RBFOX1: variants seen among roughly 807,000 people sequenced by gnomAD.
RBFOX1 encodes the protein RNA binding protein fox-1 homolog 1.
Under a neutral mutation model 57.7 loss-of-function variants are expected in RBFOX1, and 8 were observed. That is an observed-to-expected ratio of 0.14 (90% CI 0.08 to 0.25). RBFOX1 has a LOEUF of 0.25. Ranked by LOEUF, RBFOX1 falls within the 10% of genes least tolerant of loss-of-function variation. The pLI is 1.00. For missense variants in RBFOX1, 611 were observed against 548.5 expected (o/e 1.11, Z -1.14); for synonymous variants, 326 against 222.4 (o/e 1.47, Z -4.15).
chr16:6,974,016 G>T (rs1209228251), intron 3 of RBFOX1, among the ~76,000 whole-genome samples: 3 of 152,138 alleles, frequency 2.0e-5, no homozygotes, highest in African/African-American at 7.2e-5. Context: ...TTTTAAGTAA[G>T]AACATATAGT....
chr16:7,178,300 C>A (rs907760485), intron 4 of RBFOX1, among the ~76,000 whole-genome samples: 1 of 152,166 alleles, frequency 6.6e-6, no homozygotes, highest in Non-Finnish European at 1.5e-5. Context: ...TCTTGATTGA[C>A]GTCACTGAGA....
intron 4 of RBFOX1, among the ~76,000 whole-genome samples, chr16:7,291,803 C>T (rs1235427794): frequency 6.6e-6 from 1 of 151,012 alleles, no homozygotes; most frequent in East Asian, 1.9e-4. Context: ...GAGTCTGATG[C>T]AATGGCTTTC....
chr16:6,058,318 C>T (rs1255459694), intron 1 of RBFOX1, among the ~76,000 whole-genome samples: 1 of 151,130 alleles, frequency 6.6e-6, no homozygotes, highest in Non-Finnish European at 1.5e-5. Context: ...TTCTTCCTCC[C>T]TCCTCTCCTT....
intron 2 of RBFOX1, among the ~76,000 whole-genome samples, chr16:6,413,624 T>A (rs937406578): frequency 6.6e-6 from 1 of 152,144 alleles, no homozygotes; most frequent in East Asian, 1.9e-4. Flanking sequence ...AAGAAAAAAG[T>A]GTTTGTGAAA....
At chr16:6,559,727 A>G (rs1023664017) in intron 2 of RBFOX1, among the ~76,000 whole-genome samples, 1 of 152,118 alleles carries the variant, frequency 6.6e-6, no homozygotes, top group Non-Finnish European at 1.5e-5. Context: ...GTGTGTGTCT[A>G]TATATCTATA....
At position 5,479,674 on chromosome 16, in the gene RBFOX1, G is replaced by T. The variant is rs973498372; in HGVS notation, c.258+12420G>T. Among the ~76,000 whole-genome samples, 6 of 152,110 alleles carry T rather than the reference G, an allele frequency of 3.9e-5. No homozygotes were observed. The South Asian group carries it at 6.2e-4, about 16-fold the overall frequency. ...CTTGGGAGGCTGAGGCAGGAGAATC[G>T]CTTGAACCCAGGAGGTAGAGGTTGC... On this transcript the variant is annotated intron_variant, in intron 2 of 2. Coordinates refer to the RBFOX1 transcript ENST00000585867.
intron 2 of RBFOX1, among the ~76,000 whole-genome samples, chr16:6,603,702 C>A (rs376453434): frequency 6.6e-6 from 1 of 152,180 alleles, no homozygotes; most frequent in African/African-American, 2.4e-5. Context: ...CAATCCTCTT[C>A]TTTCCCATGG....
intron 3 of RBFOX1, among the ~76,000 whole-genome samples, chr16:6,678,110 A>G (rs2154118543): frequency 6.6e-6 from 1 of 152,230 alleles, no homozygotes; most frequent in Non-Finnish European, 1.5e-5. Context: ...ACTTAAATTA[A>G]AAGTTTTGTT....
chr16:5,361,414 CTT>C (rs1220411183), intron 1 of RBFOX1, among the ~76,000 whole-genome samples: 1 of 152,110 alleles, frequency 6.6e-6, no homozygotes, highest in Non-Finnish European at 1.5e-5. Context: ...AAGGATAAAG[CTT>C]TGTTTTTTTG....
intron 3 of RBFOX1, among the ~76,000 whole-genome samples, chr16:6,790,226 C>G (rs777496952): frequency 1.4e-5 from 2 of 147,968 alleles, no homozygotes; most frequent in Non-Finnish European, 3.0e-5. Context: ...GCTCTGTCAG[C>G]CAGGCTGGAA....
In RBFOX1 at chr16:6,019,051, C is replaced by A. The variant is rs1228877824; in HGVS notation, c.-1068C>A. 2.1e-6 allele frequency: 2 copies of A among 969,158 alleles called. No individual in the cohort carries two copies. The highest frequency in any genetic ancestry group is 2.5e-6 in the Non-Finnish European group (2 of 815,736). 60.0% of individuals were successfully genotyped at this position (969,158 alleles called of 1,614,324 possible). On this transcript the variant is annotated 5_prime_UTR_variant, in exon 1 of 16. The change creates a new upstream start codon in the 5' untranslated region. Coordinates refer to ENST00000550418, the MANE Select transcript of RBFOX1 (RefSeq NM_018723.4). The surrounding 1 kb of genome is among the most constrained non-coding windows in gnomAD (Gnocchi z 4.2). ...ATTATTTTTGGCTCCGCAGCCGGGG[C>A]TGCTCGCTGCTTGTCGCGCGCTCAC... is the stretch of plus-strand genomic sequence containing the variant.
At chr16:6,914,018 C>T (rs374203700) in intron 3 of RBFOX1, among the ~76,000 whole-genome samples, 6 of 152,288 alleles carry the variant, frequency 3.9e-5, no homozygotes, top group African/African-American at 1.4e-4. Flanking sequence ...TTGACGTAGC[C>T]AGAAACATTA....
chr16:7,046,603 CTTTTTT>C (rs59921108), intron 3 of RBFOX1, among the ~76,000 whole-genome samples: 1 of 84,986 alleles, frequency 1.2e-5, no homozygotes, highest in African/African-American at 4.6e-5. Flanking sequence ...TGTGTTTTAT[CTTTTTT>C]TTTTTTTTTT....
chr16:5,295,842 G>A (rs1329756014), intron 1 of RBFOX1, among the ~76,000 whole-genome samples: 3 of 152,144 alleles, frequency 2.0e-5, no homozygotes, highest in Non-Finnish European at 4.4e-5. Context: ...AGGATGGGAG[G>A]CATCTGGTTG....
chr16:5,289,131 C>CA lies in RBFOX1; in HGVS notation c.219+49034dup, dbSNP rs201287890. 701 of 206,890 alleles carry CA rather than the reference C, an allele frequency of 3.4e-3. 7 individuals carry two copies. The highest frequency in any genetic ancestry group is 0.015 in the African/African-American group (645 of 42,426). 12.8% of individuals were successfully genotyped at this position (206,890 alleles called of 1,614,324 possible). On this transcript the variant is annotated intron_variant, in intron 1 of 2. Coordinates refer to the RBFOX1 transcript ENST00000585867. ...CAGAGGAAGACTCTGTCTCAAAAAACAAAAAAAACACACAACAATAACATT... is the reference window on the plus strand; with the variant it reads ...CAGAGGAAGACTCTGTCTCAAAAAACAAAAAAAAACACACAACAATAACATT...
intron 5 of RBFOX1, among the ~76,000 whole-genome samples, chr16:7,568,380 G>T (rs935568343): frequency 6.6e-6 from 1 of 152,126 alleles, no homozygotes; most frequent in South Asian, 2.1e-4. Flanking sequence ...CATTGCCATG[G>T]CATTTGGAAA....
chr16:5,630,704 C>G (rs1430078988), intron 3 of RBFOX1, among the ~76,000 whole-genome samples: 2 of 152,134 alleles, frequency 1.3e-5, no homozygotes, highest in South Asian at 4.1e-4. Flanking sequence ...TTTTTCTATC[C>G]TGATGGACGT....
At chr16:5,555,648 A>G (rs1191001496) in intron 2 of RBFOX1, among the ~76,000 whole-genome samples, 2 of 152,060 alleles carry the variant, frequency 1.3e-5, no homozygotes, top group Non-Finnish European at 2.9e-5. Context: ...CATGTGCCCT[A>G]TGTGTAGCTC....
At chr16:6,987,638 G>C (rs896328296) in intron 3 of RBFOX1, among the ~76,000 whole-genome samples, 53 of 152,104 alleles carry the variant, frequency 3.5e-4, no homozygotes, top group African/African-American at 1.2e-3. Flanking sequence ...TTGAAATATA[G>C]CTCATGACTG....
Sources: gnomAD v4.1 joint callset for allele counts (sites outside exome capture counted in the v4.1 genomes callset) on GRCh38, gnomAD v4.1.1 for gene constraint, Gnocchi (gnomAD v3.1) non-coding constraint, MANE v1.5 for transcripts, NCBI Gene and HGNC (gene_info 2026-07-23, HGNC 2026-07-21) for gene names.